PLGRKT: variants seen among roughly 807,000 people sequenced by gnomAD.
PLGRKT encodes plasminogen receptor with a C-terminal lysine, also known as plasminogen receptor (KT).
PLGRKT carries 22 observed loss-of-function variants against 18.5 expected under a neutral mutation model. The ratio of observed to expected loss-of-function variants is 1.19; its 90% CI spans 0.85 to 1.70. The LOEUF is 1.70. PLGRKT is among the 40% of genes most tolerant of loss of function. The probability of loss-of-function intolerance (pLI) is 0.00; values close to 1 mark genes in which losing one functional copy is unlikely to be tolerated. For synonymous variants in PLGRKT, 72 were observed against 52.8 expected, an observed-to-expected ratio of 1.36 and a Z score of -1.58; for missense variants, 235 against 174.4, an observed-to-expected ratio of 1.35 and a Z score of -1.96.
rs114274067 is a variant in PLGRKT, at chr9:5,379,873, C to T, written c.82-17985G>A. Among the ~76,000 whole-genome samples the T allele has an allele frequency of 1.8e-3, 279 of 152,232 alleles. 1 individual carries two copies. Among genetic ancestry groups the T allele is most frequent in the African/African-American group, 6.3e-3 (260 of 41,538 alleles). On this transcript the variant is annotated intron_variant, in intron 3 of 5. Coordinates refer to ENST00000223864, the MANE Select transcript of PLGRKT (RefSeq NM_018465.4). ...ATCTGTGTGATAGAAAATCTTCATG[C>T]TTTTCTCCCCAATAATTTCATGTCC...
At chr9:5,367,375 C>G (rs1817416632) in intron 3 of PLGRKT, among the ~76,000 whole-genome samples, 1 of 152,082 alleles carries the variant, frequency 6.6e-6, no homozygotes, top group South Asian at 2.1e-4. Flanking sequence ...CAGCATGGTA[C>G]TAGTACAAAA....
chr9:5,407,388 A>G (rs1282919697), intron 3 of PLGRKT, among the ~76,000 whole-genome samples: 1 of 152,182 alleles, frequency 6.6e-6, no homozygotes, highest in Non-Finnish European at 1.5e-5. Context: ...AACATAATCT[A>G]AATTGTTCTT....
intron 3 of PLGRKT, among the ~76,000 whole-genome samples, chr9:5,420,283 G>A (rs1818550288): frequency 6.6e-6 from 1 of 152,206 alleles, no homozygotes; most frequent in Non-Finnish European, 1.5e-5. Flanking sequence ...CAATTACAGG[G>A]TTTCCTTTTG....
intron 3 of PLGRKT, among the ~76,000 whole-genome samples, chr9:5,409,937 A>G (rs1410070243): frequency 2.0e-5 from 3 of 152,198 alleles, no homozygotes; most frequent in African/African-American, 7.2e-5. Context: ...TGGCTTTTCA[A>G]ATTCTTATCT....
At chr9:5,366,909 T>G (rs925603397) in intron 3 of PLGRKT, among the ~76,000 whole-genome samples, 1 of 151,900 alleles carries the variant, frequency 6.6e-6, no homozygotes, top group Non-Finnish European at 1.5e-5. Context: ...TTCAGTAAAG[T>G]TTCAAGATAC....
chr9:5,425,225 C>T (rs1158490323), intron 3 of PLGRKT, among the ~76,000 whole-genome samples: 1 of 152,058 alleles, frequency 6.6e-6, no homozygotes, highest in Non-Finnish European at 1.5e-5. Flanking sequence ...TTTAGGTGTG[C>T]CTCCTAGTGG....
chr9:5,361,390 T>G (rs1288796497), intron 4 of PLGRKT, among the ~76,000 whole-genome samples: 1 of 152,188 alleles, frequency 6.6e-6, no homozygotes, highest in Non-Finnish European at 1.5e-5. Flanking sequence ...AAGGGCAAGG[T>G]CTGTGACTTG....
At chr9:5,398,307 G>T (rs1220160941) in intron 3 of PLGRKT, among the ~76,000 whole-genome samples, 1 of 151,750 alleles carries the variant, frequency 6.6e-6, no homozygotes, top group African/African-American at 2.4e-5. Flanking sequence ...AGCATGCCAG[G>T]GACCCTCCAG....
chr9:5,411,191 C>G lies in PLGRKT; in HGVS notation c.81+20706G>C, dbSNP rs1247688000. The stretch of plus-strand genomic sequence containing the variant: ...CTGAGGTCGGGAGTTTGAGATCAGC[C>G]TGGCCAATATGGTGAAACCCCGTCT... On this transcript the variant is annotated intron_variant, in intron 3 of 5. Coordinates refer to ENST00000223864, the MANE Select transcript of PLGRKT (RefSeq NM_018465.4). Among the ~76,000 whole-genome samples the G allele has an allele frequency of 7.2e-5, 11 of 152,062 alleles. No individual in the cohort carries two copies. The East Asian group carries it at 1.4e-3, about 19-fold the overall frequency.
intron 3 of PLGRKT, among the ~76,000 whole-genome samples, chr9:5,412,035 G>C (rs534975801): frequency 1.3e-5 from 2 of 152,224 alleles, no homozygotes; most frequent in Admixed American, 6.5e-5. Flanking sequence ...TGGTATAGTA[G>C]CCTCAACAAG....
chr9:5,384,037 G>C (rs1817796411), intron 3 of PLGRKT, among the ~76,000 whole-genome samples: 1 of 152,232 alleles, frequency 6.6e-6, no homozygotes, highest in Non-Finnish European at 1.5e-5. Context: ...CACAGCGCCT[G>C]ACCATTTGTG....
chr9:5,426,506 T>C (rs987746565), intron 3 of PLGRKT, among the ~76,000 whole-genome samples: 6 of 152,218 alleles, frequency 3.9e-5, no homozygotes, highest in Non-Finnish European at 8.8e-5. Context: ...CAAGTATCTC[T>C]AGAGTTAGAA....
At chr9:5,409,904 T>C (rs1477587151) in intron 3 of PLGRKT, among the ~76,000 whole-genome samples, 1 of 152,208 alleles carries the variant, frequency 6.6e-6, no homozygotes, top group African/African-American at 2.4e-5. Context: ...TCTAACTTTT[T>C]TTTCCAGAAA....
chr9:5,410,206 G>A (rs890250236), intron 3 of PLGRKT, among the ~76,000 whole-genome samples: 1 of 152,078 alleles, frequency 6.6e-6, no homozygotes, highest in Non-Finnish European at 1.5e-5. Flanking sequence ...TATACAATCT[G>A]TGCAATCAAC....
At position 5,361,136 on chromosome 9, in the gene PLGRKT, G is replaced by A. The variant is rs149609919; in HGVS notation, c.264C>T (p.Ser88=). ...AGTCATACTGGTAGGTGAGGATAAA[G>A]CTTAATGGAACAATCGGGACCAGGA... ...PAFLVPIVPL[S]FILTYQYDLG... Residue 88 remains serine, a synonymous_variant, in exon 5 of 6, where the codon AGC becomes AGT. Coordinates refer to ENST00000223864, the MANE Select transcript of PLGRKT (RefSeq NM_018465.4). 1.6e-3 allele frequency: 2,639 copies of A among 1,611,412 alleles called. 5 individuals carry two copies. The highest frequency in any genetic ancestry group is 2.1e-3 in the Non-Finnish European group (2,492 of 1,177,814).
chr9:5,383,756 G>T lies in PLGRKT; in HGVS notation c.82-21868C>A, dbSNP rs1254958418. On this transcript the variant is annotated intron_variant, in intron 3 of 5. Transcript: ENST00000223864. ...ATCTAATACTGCCCTTGATCTGGCA[G>T]GAGGTGGAGCTCAGGTGGTAATGCT... Among the ~76,000 whole-genome samples the T allele has an allele frequency of 2.0e-5, 3 of 152,194 alleles. No homozygotes were observed. The East Asian group carries it at 5.8e-4, about 29-fold the overall frequency.
chr9:5,369,750 T>C (rs995671254), intron 3 of PLGRKT, among the ~76,000 whole-genome samples: 1 of 152,138 alleles, frequency 6.6e-6, no homozygotes, highest in African/African-American at 2.4e-5. Flanking sequence ...TGGAATACTG[T>C]GTAGCCATAA....
intron 3 of PLGRKT, among the ~76,000 whole-genome samples, chr9:5,373,587 C>T (rs1471065043): frequency 6.6e-6 from 1 of 152,038 alleles, no homozygotes; most frequent in Non-Finnish European, 1.5e-5. Context: ...ATCGCTTGAG[C>T]CCGTAAGTTC....
At chr9:5,407,840 G>C (rs1048435065) in intron 3 of PLGRKT, among the ~76,000 whole-genome samples, 2 of 152,124 alleles carry the variant, frequency 1.3e-5, no homozygotes, top group Non-Finnish European at 2.9e-5. Context: ...TAAAAGAAAA[G>C]CAAAATGCTA....
Sources: allele counts gnomAD v4.1 joint callset (sites outside exome capture counted in the v4.1 genomes callset), GRCh38; gene constraint gnomAD v4.1.1; transcripts MANE v1.5; gene names NCBI Gene and HGNC (gene_info 2026-07-23, HGNC 2026-07-21).